CDKL5: variants seen among roughly 807,000 people sequenced by gnomAD.
CDKL5 encodes cyclin-dependent kinase-like 5.
In CDKL5, 8 loss-of-function variants were observed where a neutral mutation model predicts 61.7. That is an observed-to-expected ratio of 0.13 (90% CI 0.08 to 0.23). CDKL5 has a LOEUF of 0.23. CDKL5 is among the 10% of genes least tolerant of loss of function. The pLI, the probability that CDKL5 is intolerant of heterozygous loss-of-function variation, is 1.00. For missense variants in CDKL5, 440 were observed against 734.5 expected (o/e 0.60, Z 4.63); for synonymous variants, 275 against 272.3 (o/e 1.01, Z -0.10).
chrX:18,591,239 A>G (rs756590226), intron 9 of CDKL5, among the ~76,000 whole-genome samples: 1 of 112,050 alleles, frequency 8.9e-6, no homozygotes, highest in Non-Finnish European at 1.9e-5. Context: ...TTAATTGTTA[A>G]CTATCTAGTC....
intron 3 of CDKL5, among the ~76,000 whole-genome samples, chrX:18,511,360 T>C (rs1275930350): frequency 1.8e-5 from 2 of 110,738 alleles, no homozygotes; most frequent in African/African-American, 6.6e-5. Context: ...GGTTGGGTAG[T>C]CCTTAGTTCT....
rs1008906219 is a variant in CDKL5, at chrX:18,574,451, A to G, written c.146-903A>G. Among the ~76,000 whole-genome samples the G allele has an allele frequency of 2.7e-5, 3 of 111,657 alleles. No homozygotes were observed. The Admixed American group carries it at 2.9e-4, about 11-fold the overall frequency. ...ATTATGAACCTGTATCCTGGTACAT[A>G]CATGCAAAAACATGGTAGTTAGGAT... is the stretch of plus-strand genomic sequence containing the variant. On this transcript the variant is annotated intron_variant, in intron 4 of 17. Transcript: ENST00000623535.
At chrX:18,432,478 G>A (rs1334034517) in intron 1 of CDKL5, among the ~76,000 whole-genome samples, 1 of 110,556 alleles carries the variant, frequency 9.0e-6, no homozygotes. Flanking sequence ...CTGGGCTCAA[G>A]CAATCTGCCC....
intron 9 of CDKL5, chrX:18,589,114 C>T (rs1644911398): frequency 9.2e-6 from 1 of 108,416 alleles, no homozygotes. Context: ...CCACCTACCC[C>T]AAAAACAACT....
downstream of CDKL5, chrX:18,644,316 C>G (rs961316145): frequency 7.6e-6 from 5 of 656,145 alleles, no homozygotes; most frequent in East Asian, 3.2e-5. Context: ...CGCAGATGAT[C>G]CACTGTGCTG....
intron 3 of CDKL5, among the ~76,000 whole-genome samples, chrX:18,546,463 T>C (rs1255118620): frequency 9.0e-6 from 1 of 110,625 alleles, no homozygotes; most frequent in East Asian, 2.8e-4. Flanking sequence ...GGTTTCACCA[T>C]GTTGGCCAGG....
rs760949605 is a variant in CDKL5, at chrX:18,495,328, A to G, written c.-162-11607A>G. Among the ~76,000 whole-genome samples, 9 of 112,555 alleles carry G rather than the reference A, an allele frequency of 8.0e-5. No homozygotes were observed. The East Asian group carries it at 2.0e-3, about 24-fold the overall frequency. On this transcript the variant is annotated intron_variant, in intron 1 of 17. Transcript: ENST00000623535. ...AAGGCCCAGGCAGCTCTTAAATTCAATACTAATAATCTATGAAATAAATTA... is the reference window on the plus strand; with the variant it reads ...AAGGCCCAGGCAGCTCTTAAATTCAGTACTAATAATCTATGAAATAAATTA...
intron 4 of CDKL5, among the ~76,000 whole-genome samples, chrX:18,566,381 C>G (rs1924971143): frequency 8.9e-6 from 1 of 112,708 alleles, no homozygotes; most frequent in Non-Finnish European, 1.9e-5. Context: ...TCTCAAACTG[C>G]TGAGCTCAAA....
chrX:18,548,571 G>A (rs990148335), intron 3 of CDKL5, among the ~76,000 whole-genome samples: 1 of 112,429 alleles, frequency 8.9e-6, no homozygotes, highest in Admixed American at 9.4e-5. Context: ...GCTGTGACTT[G>A]GAACCTTTTT....
rs12007001 is a variant in CDKL5, at chrX:18,633,744, C to T, written c.*4987C>T. 5.6e-3 allele frequency: 4,226 copies of T among 751,362 alleles called. 18 individuals carry two copies. Among genetic ancestry groups the T allele is most frequent in the African/African-American group, 0.019 (810 of 43,034 alleles). The allele number at this position is 751,362 out of a possible 1,213,427, so 61.9% of individuals were successfully genotyped here. On this transcript the variant is annotated 3_prime_UTR_variant, in exon 18 of 18. Transcript: ENST00000623535. ...TGAATGTACGATACAAATGGTAGGC[C>T]TTCATGTGAGCCAGTTACTACATGA...
At chrX:18,509,514 T>C (rs1333162057) in intron 2 of CDKL5, among the ~76,000 whole-genome samples, 1 of 111,535 alleles carries the variant, frequency 9.0e-6, no homozygotes, top group African/African-American at 3.3e-5. Flanking sequence ...CATAGATGAA[T>C]GCAGGCTTGC....
rs188238406 is a variant in CDKL5 at position 18,511,662 on chromosome X, T to A, written c.99+808T>A. The stretch of plus-strand genomic sequence containing the variant: ...AGGTTTGTGTAAGTACACTCTATGA[T>A]GTTTGCACAGTGATAAAAATCACCT... On this transcript the variant is annotated intron_variant, in intron 3 of 17. Transcript: ENST00000623535. 4.1e-3 allele frequency among the ~76,000 whole-genome samples: 452 copies of A among 111,564 alleles called. 2 individuals are homozygous for A. Among genetic ancestry groups the A allele is most frequent in the African/African-American group, 0.014 (440 of 30,768 alleles).
At chrX:18,509,245 A>ACACACACACACAC (rs796171313) in intron 2 of CDKL5, among the ~76,000 whole-genome samples, 2 of 95,350 alleles carry the variant, frequency 2.1e-5, no homozygotes, top group Admixed American at 2.5e-4. Context: ...ACACACACAC[A>ACACACACACACAC]CCCCTGTCAA....
chrX:18,647,130 T>C lies in CDKL5; in HGVS notation c.2797+1040T>C. Reference sequence around the variant, plus strand: ...CGGGGTTTCACTGTGTTGGCCACGCTGGTAGAGAGGCCTATTTTTTTTTAA... The same window carrying C: ...CGGGGTTTCACTGTGTTGGCCACGCCGGTAGAGAGGCCTATTTTTTTTTAA... On this transcript the variant is annotated intron_variant, in intron 20 of 21. Transcript: ENST00000379989. The C allele has an allele frequency of 1.0e-5, 12 of 1,175,703 alleles. No individual in the cohort carries two copies. In the South Asian group the frequency reaches 2.1e-4, roughly 21 times the overall value.
intron 6 of CDKL5, among the ~76,000 whole-genome samples, chrX:18,581,018 A>G (rs749245373): frequency 2.7e-5 from 3 of 111,655 alleles, no homozygotes; most frequent in African/African-American, 6.5e-5. Context: ...GTAACAGTCT[A>G]TACTGTAGTT....
chrX:18,563,562 G>A (rs768051666), intron 3 of CDKL5, among the ~76,000 whole-genome samples: 2 of 111,509 alleles, frequency 1.8e-5, no homozygotes, highest in African/African-American at 3.3e-5. Flanking sequence ...ATAATTTATA[G>A]CACTTGCCTG....
rs2147160664 is a variant in CDKL5, at chrX:18,604,301, G to A, written c.1377G>A (p.Gln459=). Residue 459 remains glutamine, a synonymous_variant, in exon 12 of 18, where the codon CAG becomes CAA. Coordinates refer to ENST00000623535, the MANE Select transcript of CDKL5 (RefSeq NM_001323289.2). ...ESSQSKAGTL[Q]PNEKQSRHSY... ...CTCAAAGCAAAGCTGGGACACTGCA[G>A]CCCAATGAAAAGCAGAGTCGGCATA... The A allele has an allele frequency of 3.3e-6, 4 of 1,211,423 alleles. No individual in the cohort carries two copies. The highest frequency in any genetic ancestry group is 4.5e-6 in the Non-Finnish European group (4 of 895,149).
intron 12 of CDKL5, among the ~76,000 whole-genome samples, chrX:18,606,153 C>T (rs968176355): frequency 3.7e-5 from 4 of 107,124 alleles, no homozygotes; most frequent in African/African-American, 1.4e-4. Flanking sequence ...TGCACTTCAG[C>T]CTGGTGACAG....
chrX:18,511,632 C>A (rs910348516), intron 3 of CDKL5, among the ~76,000 whole-genome samples: 1 of 111,353 alleles, frequency 9.0e-6, no homozygotes, highest in African/African-American at 3.3e-5. Context: ...TAGGCTATAC[C>A]ATCTAGGTTT....
Sources: allele counts gnomAD v4.1 joint callset (sites outside exome capture counted in the v4.1 genomes callset), GRCh38; gene constraint gnomAD v4.1.1; transcripts MANE v1.5; gene names NCBI Gene and HGNC (gene_info 2026-07-23, HGNC 2026-07-21).